Variants in NF1 observed in about 807,000 individuals in gnomAD.
The protein encoded by NF1 is neurofibromin.
NF1 carries 122 observed loss-of-function variants against 325.7 expected under a neutral mutation model. The observed-to-expected ratio is 0.37, with a 90% confidence interval of 0.32 to 0.44. The LOEUF is 0.44. Among genes scored for constraint, NF1 ranks in the 20% least tolerant of loss-of-function variants. The probability of loss-of-function intolerance (pLI) is 1.00; values close to 1 mark genes in which losing one functional copy is unlikely to be tolerated. For missense variants in NF1, 2,140 were observed against 3,415.4 expected (o/e 0.63, Z 9.31); for synonymous variants, 1,091 against 1,186.0 (o/e 0.92, Z 1.65).
At chr17:31,191,761 G>T (rs2066346360) in intron 8 of NF1, among the ~76,000 whole-genome samples, 2 of 152,162 alleles carry the variant, frequency 1.3e-5, no homozygotes. Context: ...AGTATTAATG[G>T]CTTAAACATT....
At chr17:31,366,022 C>A (rs2070512935) in intron 57 of NF1, among the ~76,000 whole-genome samples, 1 of 151,556 alleles carries the variant, frequency 6.6e-6, no homozygotes, top group South Asian at 2.1e-4. Context: ...GCAACCTCCG[C>A]CTCCCAGGTT....
rs755160223 is a variant in NF1, at chr17:31,232,894, G to A, written c.3496+13G>A. ...ATGCACTCCATAGGTGAGATCAAAT[G>A]AAAGTTTCATATAGAAATACAAAAC... On this transcript the variant is annotated intron_variant, in intron 26 of 57. Transcript: ENST00000358273. 6.2e-7 allele frequency: 1 copy of A among 1,613,956 alleles called. No homozygotes were observed. The highest frequency in any genetic ancestry group is 8.5e-7 in the Non-Finnish European group (1 of 1,179,956).
At chr17:31,225,602 C>T (rs977275172) in intron 17 of NF1, among the ~76,000 whole-genome samples, 5 of 152,108 alleles carry the variant, frequency 3.3e-5, no homozygotes, top group South Asian at 2.1e-4. Flanking sequence ...GTATAGAATT[C>T]GTACCGGCTA....
chr17:31,318,652 A>G (rs772318485), intron 36 of NF1: 2 of 1,614,120 alleles, frequency 1.2e-6, no homozygotes, highest in African/African-American at 2.7e-5. Flanking sequence ...ATCCTTTTTG[A>G]AAATTTCACC....
At position 31,229,009 on chromosome 17, in the gene NF1, A is replaced by G. The variant is rs1567848704; in HGVS notation, c.2410-16A>G. 1 of 1,587,706 alleles carries G rather than the reference A, an allele frequency of 6.3e-7. No individual in the cohort carries two copies. On this transcript the variant is annotated splice_polypyrimidine_tract_variant and intron_variant, in intron 20 of 57. Transcript: ENST00000358273. The stretch of plus-strand genomic sequence containing the variant: ...TAAGGTTTAATTCATGCTTTGCACA[A>G]AAATTTTGTGTTTAGGCTGCTGAAA...
chr17:31,138,682 C>T (rs1915976118), intron 1 of NF1, among the ~76,000 whole-genome samples: 2 of 151,592 alleles, frequency 1.3e-5, no homozygotes, highest in Admixed American at 6.6e-5. Flanking sequence ...CAAGCTCCGC[C>T]TCCCAGGTTC....
chr17:31,236,841 GC>G (rs1412570895), intron 29 of NF1, among the ~76,000 whole-genome samples: 1 of 152,104 alleles, frequency 6.6e-6, no homozygotes, highest in Non-Finnish European at 1.5e-5. Flanking sequence ...TTTGTTCTGT[GC>G]TGTGCACCAC....
chr17:31,340,680 T>C (rs368354031), intron 47 of NF1, 35 bp downstream of exon 47: 1 of 1,600,408 alleles, frequency 6.2e-7, no homozygotes, highest in Non-Finnish European at 8.6e-7. Flanking sequence ...CCTAGATTAC[T>C]CAAATTTAGT....
intron 29 of NF1, among the ~76,000 whole-genome samples, chr17:31,237,305 C>T (rs1245346488): frequency 6.6e-6 from 1 of 152,100 alleles, no homozygotes; most frequent in African/African-American, 2.4e-5. Flanking sequence ...AATGGGGTCT[C>T]ACTCTGTCAC....
intron 1 of NF1, among the ~76,000 whole-genome samples, chr17:31,105,025 A>G (rs1032911928): frequency 4.6e-5 from 7 of 152,010 alleles, no homozygotes; most frequent in African/African-American, 1.7e-4. Flanking sequence ...CACCTCCCGA[A>G]TATCTAGGAC....
chr17:31,119,190 C>T (rs1914220276), intron 1 of NF1, among the ~76,000 whole-genome samples: 1 of 152,132 alleles, frequency 6.6e-6, no homozygotes, highest in Non-Finnish European at 1.5e-5. Context: ...ATCTGCCCGC[C>T]TCGGCCTCCC....
intron 3 of NF1, among the ~76,000 whole-genome samples, chr17:31,159,863 G>T (rs891436729): frequency 3.3e-5 from 5 of 152,030 alleles, no homozygotes; most frequent in Admixed American, 6.5e-5. Context: ...CTTTGGCTCA[G>T]AATTCAGAAT....
chr17:31,123,974 T>G (rs908105870), intron 1 of NF1, among the ~76,000 whole-genome samples: 1 of 152,128 alleles, frequency 6.6e-6, no homozygotes, highest in Non-Finnish European at 1.5e-5. Context: ...TTTGGGGGGA[T>G]ATTTTTATTT....
chr17:31,293,291 A>G (rs982325489), intron 36 of NF1, among the ~76,000 whole-genome samples: 1 of 151,052 alleles, frequency 6.6e-6, no homozygotes, highest in Non-Finnish European at 1.5e-5. Flanking sequence ...GGATTATCTA[A>G]GCAATTAGTC....
Position 31,095,315 on chromosome 17 carries a change from C to G in NF1, c.6C>G (p.Ala2=), listed in dbSNP as rs876660128. 8.5e-6 allele frequency: 13 copies of G among 1,537,810 alleles called. No homozygotes were observed. The South Asian group carries it at 1.5e-4, about 18-fold the overall frequency. M[A]AHRPVEWVQA... is the part of the protein sequence containing the mutation. Reference sequence around the variant, plus strand: ...CCCCCGGCCGCGGGGAGGACATGGCCGCGCACAGGCCGGTGGAATGGGTCC... The same window carrying G: ...CCCCCGGCCGCGGGGAGGACATGGCGGCGCACAGGCCGGTGGAATGGGTCC... Residue 2 remains alanine, a synonymous_variant, in exon 1 of 58, where the codon GCC becomes GCG. Coordinates refer to ENST00000358273, the MANE Select transcript of NF1 (RefSeq NM_001042492.3).
At chr17:31,243,872 A>T (rs1194991165) in intron 29 of NF1, among the ~76,000 whole-genome samples, 3 of 151,432 alleles carry the variant, frequency 2.0e-5, no homozygotes, top group African/African-American at 7.3e-5. Flanking sequence ...TTCTTTCCTC[A>T]AGCAGAAGGG....
intron 18 of NF1, 132 bp downstream of exon 18, chr17:31,226,816 T>C: frequency 8.1e-7 from 1 of 1,231,362 alleles, no homozygotes; most frequent in African/African-American, 1.5e-5. Flanking sequence ...GAAATCCTTT[T>C]CTGAACAAAG....
chr17:31,132,666 CTTAT>C (rs1251571553), intron 1 of NF1, among the ~76,000 whole-genome samples: 1 of 151,760 alleles, frequency 6.6e-6, no homozygotes, highest in East Asian at 1.9e-4. Context: ...TTTAATGTTA[CTTAT>C]TTATTTATTT....
chr17:31,166,749 G>A (rs1272936125), intron 4 of NF1, among the ~76,000 whole-genome samples: 3 of 151,998 alleles, frequency 2.0e-5, no homozygotes, highest in East Asian at 3.9e-4. Flanking sequence ...CATGTTTTAT[G>A]CAGGGCCCAA....
Sources: gnomAD v4.1 joint callset for allele counts (sites outside exome capture counted in the v4.1 genomes callset) on GRCh38, gnomAD v4.1.1 for gene constraint, MANE v1.5 for transcripts, NCBI Gene and HGNC (gene_info 2026-07-23, HGNC 2026-07-21) for gene names.